The following DGLUCY variants were observed in gnomAD, a reference collection of about 807,000 sequenced individuals.
The protein encoded by DGLUCY is D-glutamate cyclase.
DGLUCY carries 58 observed loss-of-function variants against 58.5 expected under a neutral mutation model. The observed-to-expected ratio is 0.99, with a 90% CI of 0.80 to 1.23. The LOEUF is 1.23. DGLUCY is among the 50% of genes most tolerant of loss of function. The pLI is 0.00. For missense variants in DGLUCY, 779 were observed against 784.7 expected, an observed-to-expected ratio of 0.99 and a Z score of 0.09; for synonymous variants, 325 against 314.1, an observed-to-expected ratio of 1.03 and a Z score of -0.37.
intron 1 of DGLUCY, among the ~76,000 whole-genome samples, chr14:91,148,146 C>G (rs1315663162): frequency 6.6e-6 from 1 of 152,076 alleles, no homozygotes; most frequent in Admixed American, 6.5e-5. Flanking sequence ...TGCACTCCAG[C>G]CTGGATGGCA....
intron 3 of DGLUCY, 40 bp from the exon 4 acceptor site, chr14:91,167,185 C>G: frequency 6.5e-7 from 1 of 1,543,496 alleles, no homozygotes; most frequent in Non-Finnish European, 8.7e-7. Context: ...TGCCAAGAAA[C>G]CGCTGACTAT....
intron 8 of DGLUCY, among the ~76,000 whole-genome samples, chr14:91,188,051 G>A (rs942738242): frequency 3.3e-5 from 5 of 152,026 alleles, no homozygotes; most frequent in South Asian, 2.1e-4. Flanking sequence ...TAGAAGCCCC[G>A]GGATGCTTTG....
At chr14:91,162,337 ATCAC>A (rs772628131) in intron 3 of DGLUCY, among the ~76,000 whole-genome samples, 2 of 152,216 alleles carry the variant, frequency 1.3e-5, no homozygotes, top group Non-Finnish European at 2.9e-5. Flanking sequence ...ACTCAGAGAA[ATCAC>A]TCAGTTTATC....
chr14:91,066,847 G>A (rs1335485609), intron 1 of DGLUCY, among the ~76,000 whole-genome samples: 1 of 151,864 alleles, frequency 6.6e-6, no homozygotes, highest in Non-Finnish European at 1.5e-5. Flanking sequence ...CTGGGAGGCC[G>A]AGGCGGGTGG....
At chr14:91,133,738 A>G (rs768128565) in intron 1 of DGLUCY, among the ~76,000 whole-genome samples, 1 of 152,144 alleles carries the variant, frequency 6.6e-6, no homozygotes, top group African/African-American at 2.4e-5. Context: ...AGAGGGCTAC[A>G]CCATTTTACC....
intron 1 of DGLUCY, among the ~76,000 whole-genome samples, chr14:91,095,367 G>C (rs2140072720): frequency 6.6e-6 from 1 of 152,316 alleles, no homozygotes; most frequent in East Asian, 1.9e-4. Context: ...CTGCCACTCT[G>C]CCTGTGCCCT....
chr14:91,184,985 TGA>T (rs2049413119), intron 8 of DGLUCY, among the ~76,000 whole-genome samples: 1 of 152,144 alleles, frequency 6.6e-6, no homozygotes, highest in Non-Finnish European at 1.5e-5. Flanking sequence ...TTTTTTCTTT[TGA>T]GACACAGTCT....
chr14:91,223,395 A>G (rs1179174146), intron 13 of DGLUCY, among the ~76,000 whole-genome samples: 2 of 152,312 alleles, frequency 1.3e-5, no homozygotes, highest in Admixed American at 6.5e-5. Context: ...CTAATGTCCT[A>G]TTCTAGATTC....
At chr14:91,162,900 GA>G (rs77019681) in intron 3 of DGLUCY, among the ~76,000 whole-genome samples, 937 of 83,752 alleles carry the variant, frequency 0.011, 8 homozygotes, top group Middle Eastern at 0.04. Flanking sequence ...TCTGTCTCAA[GA>G]AAAAAAAAAA....
chr14:91,090,798 T>A (rs1283678839), intron 1 of DGLUCY, among the ~76,000 whole-genome samples: 1 of 152,160 alleles, frequency 6.6e-6, no homozygotes, highest in Non-Finnish European at 1.5e-5. Flanking sequence ...CCTGTCAAAC[T>A]CCCAGCAAAT....
At chr14:91,174,330 C>T (rs1396130466) in intron 6 of DGLUCY, among the ~76,000 whole-genome samples, 1 of 152,074 alleles carries the variant, frequency 6.6e-6, no homozygotes, top group Non-Finnish European at 1.5e-5. Flanking sequence ...TTTTGAGACA[C>T]AGTTTCCCTC....
At chr14:91,102,379 A>G (rs934393264) in intron 1 of DGLUCY, among the ~76,000 whole-genome samples, 28 of 152,260 alleles carry the variant, frequency 1.8e-4, no homozygotes, top group African/African-American at 6.5e-4. Context: ...CTCATGTCCA[A>G]TAGTGAACTT....
chr14:91,071,108 A>G (rs1157213892), intron 1 of DGLUCY, among the ~76,000 whole-genome samples: 8 of 151,788 alleles, frequency 5.3e-5, no homozygotes, highest in Admixed American at 3.3e-4. Context: ...TGAGGCTGGC[A>G]GATCACAAGG....
chr14:91,074,118 T>C (rs11626197), intron 1 of DGLUCY, among the ~76,000 whole-genome samples: 42,223 of 70,152 alleles, frequency 0.6, 14,307 homozygotes, highest in Non-Finnish European at 0.68. Flanking sequence ...TATATATATA[T>C]ACACACACAC....
At chr14:91,157,154 G>GATGGATGGATGGATGA (rs1174361531) in intron 1 of DGLUCY, among the ~76,000 whole-genome samples, 1 of 142,112 alleles carries the variant, frequency 7.0e-6, no homozygotes, top group Non-Finnish European at 1.6e-5. Flanking sequence ...TGGATGGATG[G>GATGGATGGATGGATGA]ATGAATGGGT....
intron 1 of DGLUCY, among the ~76,000 whole-genome samples, chr14:91,067,348 G>A (rs2043841239): frequency 6.6e-6 from 1 of 152,120 alleles, no homozygotes; most frequent in Admixed American, 6.5e-5. Context: ...CTTGGCGTAA[G>A]CCACTAGGAC....
chr14:91,142,454 G>T (rs2046754718), intron 1 of DGLUCY, among the ~76,000 whole-genome samples: 1 of 152,024 alleles, frequency 6.6e-6, no homozygotes, highest in Non-Finnish European at 1.5e-5. Flanking sequence ...CCAAATGCTG[G>T]GCTTTCCCTC....
intron 7 of DGLUCY, 51 bp from the exon 8 acceptor site, chr14:91,181,135 G>T: frequency 2.5e-6 from 4 of 1,569,274 alleles, no homozygotes; most frequent in Admixed American, 1.7e-5. Flanking sequence ...ATGAGGGTAG[G>T]CTGGACTTGA....
rs187108215 is a variant in DGLUCY, at chr14:91,143,747, A to C, written c.-81-13892A>C. 8.4e-3 allele frequency among the ~76,000 whole-genome samples: 1,285 copies of C among 152,294 alleles called. 17 individuals are homozygous for C. The highest frequency in any genetic ancestry group is 8.5e-3 in the Non-Finnish European group (578 of 68,030). ...TCAGTGTTCAGCAGAGGAGAAATAC[A>C]GTAGAGAAAGAGCAAGACTATGCCA... On this transcript the variant is annotated intron_variant, in intron 1 of 13. Transcript: ENST00000256324.
Sources: gnomAD v4.1 joint callset for allele counts (sites outside exome capture counted in the v4.1 genomes callset) on GRCh38, gnomAD v4.1.1 for gene constraint, MANE v1.5 for transcripts, NCBI Gene and HGNC (gene_info 2026-07-23, HGNC 2026-07-21) for gene names.